Variants in GMEB2 observed in about 807,000 individuals in gnomAD.
GMEB2 encodes glucocorticoid modulatory element-binding protein 2.
Under a neutral mutation model 45.7 loss-of-function variants are expected in GMEB2, and 7 were observed. That is an observed-to-expected ratio of 0.15 (90% confidence interval 0.09 to 0.29). GMEB2 has a LOEUF of 0.29. Ranked by LOEUF, GMEB2 falls within the 10% of genes least tolerant of loss-of-function variation. The probability of loss-of-function intolerance (pLI) is 1.00; values close to 1 mark genes in which losing one functional copy is unlikely to be tolerated. For synonymous variants in GMEB2, 322 were observed against 323.6 expected, an observed-to-expected ratio of 1.00 and a Z score of 0.05; for missense variants, 582 against 739.2, an observed-to-expected ratio of 0.79 and a Z score of 2.47.
chr20:63,593,046 C>T lies in GMEB2; in HGVS notation c.656G>A (p.Cys219Tyr). Reference sequence around the variant, plus strand: ...CGCGGTCCAGTCGCCAGGGTCTTCACAGGTCTCTATGGTGATGGTCGCAGG... The same window carrying T: ...CGCGGTCCAGTCGCCAGGGTCTTCATAGGTCTCTATGGTGATGGTCGCAGG... ...GSPATITIET[C>Y]EDPGDWTAAI... Residue 219 changes from cysteine (C) to tyrosine (Y), a missense_variant, in exon 7 of 10, where the codon TGT (cysteine) becomes TAT (tyrosine). Physicochemically the swap from Cys to Tyr is radical, Grantham distance 194 (BLOSUM62 -2). Coordinates refer to ENST00000370077, the MANE Select transcript of GMEB2 (RefSeq NM_012384.5). The surrounding 1 kb of genome is among the most constrained non-coding windows in gnomAD (Gnocchi z 4.7). 1.9e-6 allele frequency: 3 copies of T among 1,612,364 alleles called. No homozygotes were observed. The highest frequency in any genetic ancestry group is 2.5e-6 in the Non-Finnish European group (3 of 1,179,012).
chr20:63,609,455 A>C lies in GMEB2; in HGVS notation c.132-4615T>G, dbSNP rs6090474. On this transcript the variant is annotated intron_variant, in intron 2 of 9. Transcript: ENST00000370077. ...TAGAAACATGCCCCTCTCACCCCACATCCATTTCTAGAAACATGTCCCTCT... is the reference window on the plus strand; with the variant it reads ...TAGAAACATGCCCCTCTCACCCCACCTCCATTTCTAGAAACATGTCCCTCT... Among the ~76,000 whole-genome samples, 331 of 47,390 alleles carry C rather than the reference A, an allele frequency of 7.0e-3. 2 individuals are homozygous for C. The highest frequency in any genetic ancestry group is 0.011 in the South Asian group (11 of 1,030). The allele number at this position is 47,390 out of a possible 152,430, so 31.1% of individuals were successfully genotyped here.
At chr20:63,626,159 C>T (rs1469995992) in intron 1 of GMEB2, among the ~76,000 whole-genome samples, 2 of 151,296 alleles carry the variant, frequency 1.3e-5, no homozygotes, top group East Asian at 3.9e-4. Flanking sequence ...GCCTGTGAGC[C>T]TACAGTGACG....
chr20:63,601,909 C>T (rs1390900426), intron 4 of GMEB2, among the ~76,000 whole-genome samples: 25 of 107,806 alleles, frequency 2.3e-4, no homozygotes, highest in East Asian at 8.1e-4. Flanking sequence ...CTGTGGCTTC[C>T]GTGGGGCCTG....
chr20:63,608,830 AC>A (rs1298546685), intron 2 of GMEB2, among the ~76,000 whole-genome samples: 1 of 53,944 alleles, frequency 1.9e-5, no homozygotes, highest in Non-Finnish European at 4.0e-5. Flanking sequence ...TGCCCCTCTG[AC>A]CCACACCTCC....
intron 2 of GMEB2, among the ~76,000 whole-genome samples, chr20:63,617,326 C>T (rs768600329): frequency 6.6e-6 from 1 of 152,150 alleles, no homozygotes; most frequent in East Asian, 1.9e-4. Context: ...CTCTCCCTCC[C>T]TCTCCATCAT....
intron 2 of GMEB2, among the ~76,000 whole-genome samples, chr20:63,617,399 C>G (rs897591308): frequency 2.6e-5 from 4 of 152,202 alleles, no homozygotes; most frequent in African/African-American, 7.2e-5. Context: ...ACAGCTGAAC[C>G]TGGCAGACCC....
chr20:63,605,540 A>G (rs1344055806), intron 2 of GMEB2, among the ~76,000 whole-genome samples: 1 of 151,164 alleles, frequency 6.6e-6, no homozygotes, highest in Non-Finnish European at 1.5e-5. Flanking sequence ...AAAAAAAAAA[A>G]AAAAGAAATG....
chr20:63,596,037 C>A (rs924765178), intron 5 of GMEB2, among the ~76,000 whole-genome samples: 1 of 152,198 alleles, frequency 6.6e-6, no homozygotes, highest in Non-Finnish European at 1.5e-5. Context: ...CTGGAGGTGC[C>A]CGTCAGAGTC....
chr20:63,626,258 GGGTGCCTGCC>G (rs1438427036), intron 1 of GMEB2, among the ~76,000 whole-genome samples: 297 of 150,560 alleles, frequency 2.0e-3, no homozygotes, highest in South Asian at 5.1e-3. Flanking sequence ...CCTGCGAGTT[GGGTGCCTGCC>G]GGGTGGCCCC....
intron 3 of GMEB2, among the ~76,000 whole-genome samples, chr20:63,603,542 A>C (rs922856877): frequency 2.0e-5 from 3 of 151,694 alleles, no homozygotes; most frequent in African/African-American, 7.3e-5. Flanking sequence ...CATCCTGGCC[A>C]ACATGGTGAA....
intron 2 of GMEB2, among the ~76,000 whole-genome samples, chr20:63,610,886 GC>G (rs2089564753): frequency 6.6e-6 from 1 of 152,198 alleles, no homozygotes; most frequent in African/African-American, 2.4e-5. Context: ...CTGTGACGAG[GC>G]CCTACGAGGA....
chr20:63,602,364 G>A (rs1477902701), intron 4 of GMEB2, among the ~76,000 whole-genome samples: 1 of 152,128 alleles, frequency 6.6e-6, no homozygotes, highest in Non-Finnish European at 1.5e-5. Context: ...CACCCAGCAC[G>A]CACACCTCAA....
rs943619584 is a variant in GMEB2 at position 63,593,506 on chromosome 20, G to A, written c.620-424C>T. 1.3e-5 allele frequency among the ~76,000 whole-genome samples: 2 copies of A among 151,290 alleles called. No individual in the cohort carries two copies. The highest frequency in any genetic ancestry group is 1.9e-4 in the East Asian group (1 of 5,168). On this transcript the variant is annotated intron_variant, in intron 6 of 9. Transcript: ENST00000370077. This position sits in a 1 kb window ranked among gnomAD's most constrained non-coding sequence, Gnocchi z 4.7. ...CGCCCGTGGGGCTCGCCCTCACCTC[G>A]CCTCTTCAAGTGATGCTTCATTGAA...
chr20:63,611,724 T>C (rs1206671988), intron 2 of GMEB2, among the ~76,000 whole-genome samples: 1 of 152,052 alleles, frequency 6.6e-6, no homozygotes, highest in Non-Finnish European at 1.5e-5. Flanking sequence ...GGGGATCAAA[T>C]TGTTTTGCAT....
chr20:63,621,127 A>AT (rs2089640069), intron 1 of GMEB2, among the ~76,000 whole-genome samples: 1 of 152,154 alleles, frequency 6.6e-6, no homozygotes, highest in African/African-American at 2.4e-5. Context: ...AGCCTAGGAG[A>AT]TTGAGGCTGC....
chr20:63,615,015 T>C (rs1351222495), intron 2 of GMEB2, among the ~76,000 whole-genome samples: 1 of 152,200 alleles, frequency 6.6e-6, no homozygotes, highest in East Asian at 1.9e-4. Context: ...ATCTTTGTCT[T>C]GTGTCTTTAT....
rs573634059 is a variant in GMEB2, at chr20:63,589,084, G to A, written c.*1005C>T. ...GGGCCAGGGAGCCAAGGGCTGTTCC[G>A]TGGCCAAGCAGCCCAAGCTGAAGGG... On this transcript the variant is annotated 3_prime_UTR_variant, in exon 10 of 10. Coordinates refer to ENST00000370077, the MANE Select transcript of GMEB2 (RefSeq NM_012384.5). The A allele has an allele frequency of 1.8e-4, 70 of 399,122 alleles. No individual in the cohort carries two copies. The highest frequency in any genetic ancestry group is 1.3e-4 in the South Asian group (1 of 7,862). 24.7% of individuals were successfully genotyped at this position (399,122 alleles called of 1,614,324 possible). A position where few individuals can be genotyped will look rare whatever the true frequency, so the allele number is the denominator to read the frequency against.
chr20:63,626,291 G>GCACC (rs2089671644), intron 1 of GMEB2, among the ~76,000 whole-genome samples: 1 of 146,238 alleles, frequency 6.8e-6, no homozygotes, highest in African/African-American at 2.5e-5. Context: ...CGGGTCGGGT[G>GCACC]CCTGCGGGGT....
At position 63,588,868 on chromosome 20, in the gene GMEB2, C is replaced by T. The variant is rs2083117732; in HGVS notation, c.*1221G>A. On this transcript the variant is annotated 3_prime_UTR_variant, in exon 10 of 10. Coordinates refer to ENST00000370077, the MANE Select transcript of GMEB2 (RefSeq NM_012384.5). ...CCAGGACCCTGGCCTGGAGGGGCCT[C>T]AGCCTGGTCTTCCTTGTGAGTCCAA... 1 of 398,752 alleles carries T rather than the reference C, an allele frequency of 2.5e-6. No individual in the cohort carries two copies. The highest frequency in any genetic ancestry group is 2.1e-5 in the African/African-American group (1 of 48,768). 24.7% of individuals were successfully genotyped at this position (398,752 alleles called of 1,614,324 possible).
Sources: allele counts gnomAD v4.1 joint callset (sites outside exome capture counted in the v4.1 genomes callset), GRCh38; gene constraint gnomAD v4.1.1; non-coding constraint Gnocchi (gnomAD v3.1); transcripts MANE v1.5; gene names NCBI Gene and HGNC (gene_info 2026-07-23, HGNC 2026-07-21).